Variants in DIS3L2 observed in about 807,000 individuals in gnomAD.
The protein encoded by DIS3L2 is DIS3-like exonuclease 2.
In DIS3L2, 34 loss-of-function variants were observed where a neutral mutation model predicts 97.5. That is an observed-to-expected ratio of 0.35 (90% CI 0.27 to 0.46). The LOEUF is 0.46. DIS3L2 is among the 20% of genes least tolerant of loss of function. DIS3L2 has a pLI of 1.00. For synonymous variants in DIS3L2, 435 were observed against 445.2 expected (o/e 0.98, Z 0.29); for missense variants, 1,038 against 1,146.0 (o/e 0.91, Z 1.36).
Position 232,176,056 on chromosome 2 carries a change from G to T in DIS3L2, c.1124+12424G>T, listed in dbSNP as rs185796771. 1.6e-3 allele frequency among the ~76,000 whole-genome samples: 241 copies of T among 152,032 alleles called. 1 individual carries two copies. The highest frequency in any genetic ancestry group is 5.3e-3 in the African/African-American group (221 of 41,500). Reference sequence around the variant, plus strand: ...AGGTGCCCACCACCACATCTGGCTAGTTTTTTATATTCTTCATAGAGACAG... The same window carrying T: ...AGGTGCCCACCACCACATCTGGCTATTTTTTTATATTCTTCATAGAGACAG... On this transcript the variant is annotated intron_variant, in intron 9 of 20. Coordinates refer to ENST00000325385, the MANE Select transcript of DIS3L2 (RefSeq NM_152383.5).
At chr2:232,055,302 G>T (rs1559579496) in intron 5 of DIS3L2, among the ~76,000 whole-genome samples, 4 of 152,168 alleles carry the variant, frequency 2.6e-5, no homozygotes, top group Admixed American at 2.6e-4. Flanking sequence ...ATCATTTTCA[G>T]ACTAGTTGAT....
intron 5 of DIS3L2, among the ~76,000 whole-genome samples, chr2:232,045,482 A>G (rs774392420): frequency 7.2e-5 from 11 of 152,114 alleles, no homozygotes; most frequent in Non-Finnish European, 1.3e-4. Flanking sequence ...GTCAAAGATC[A>G]AGGCACTGGC....
At chr2:232,049,710 T>C (rs551558333) in intron 5 of DIS3L2, among the ~76,000 whole-genome samples, 1 of 152,244 alleles carries the variant, frequency 6.6e-6, no homozygotes, top group African/African-American at 2.4e-5. Flanking sequence ...CTTTAACTTT[T>C]ACTTTTTGGT....
At chr2:232,220,160 T>C (rs928057839) in intron 10 of DIS3L2, among the ~76,000 whole-genome samples, 5 of 135,514 alleles carry the variant, frequency 3.7e-5, no homozygotes, top group Middle Eastern at 3.9e-3. Flanking sequence ...AATAAATAAA[T>C]AAGCTGGGCA....
At chr2:231,967,288 A>G (rs1692750090) in intron 1 of DIS3L2, among the ~76,000 whole-genome samples, 2 of 152,218 alleles carry the variant, frequency 1.3e-5, no homozygotes, top group South Asian at 4.1e-4. Context: ...ATTCTGCATT[A>G]TAAGTTCCTT....
At chr2:232,038,062 C>A (rs573345427) in intron 5 of DIS3L2, among the ~76,000 whole-genome samples, 1 of 152,302 alleles carries the variant, frequency 6.6e-6, no homozygotes, top group South Asian at 2.1e-4. Context: ...CAGCTTCATC[C>A]CCAGTTGCTG....
chr2:232,217,249 A>G (rs1361431841), intron 10 of DIS3L2, among the ~76,000 whole-genome samples: 2 of 152,156 alleles, frequency 1.3e-5, no homozygotes, highest in African/African-American at 2.4e-5. Context: ...AGAAAGCCGA[A>G]TGCTGCTGAG....
At chr2:232,337,239 G>T, downstream of DIS3L2, 1 of 924,734 alleles carries the variant, frequency 1.1e-6, no homozygotes. Flanking sequence ...TGTGTCTGAC[G>T]AATGTGACTG....
rs1043680738 is a variant in DIS3L2 at position 232,130,857 on chromosome 2, A to AT, written c.702+140dup. 10 of 1,258,202 alleles carry AT rather than the reference A, an allele frequency of 7.9e-6. No individual in the cohort carries two copies. In the East Asian group the frequency reaches 1.1e-4, roughly 14 times the overall value. The allele number at this position is 1,258,202 out of a possible 1,614,324, so 77.9% of individuals were successfully genotyped here. On this transcript the variant is annotated intron_variant, in intron 7 of 20. Transcript: ENST00000325385. ...TAGAGCAGAGAATCATAAAAAGTGA[A>AT]TTAAAAAAAAAAAACTTTAAACATA...
chr2:232,053,847 G>A (rs1240947082), intron 5 of DIS3L2, among the ~76,000 whole-genome samples: 1 of 152,058 alleles, frequency 6.6e-6, no homozygotes, highest in Non-Finnish European at 1.5e-5. Context: ...GGTTTTTATG[G>A]AGGCCACATT....
intron 14 of DIS3L2, chr2:232,307,552 C>T (rs1232353679): frequency 6.6e-6 from 1 of 152,060 alleles, no homozygotes; most frequent in Non-Finnish European, 1.5e-5. Context: ...ACAGTGATAG[C>T]TATGAAGAGC....
intron 8 of DIS3L2, among the ~76,000 whole-genome samples, chr2:232,139,633 A>C (rs973661170): frequency 6.6e-6 from 1 of 152,158 alleles, no homozygotes; most frequent in African/African-American, 2.4e-5. Context: ...AGAATGTTCT[A>C]AGTTCTTCCA....
intron 1 of DIS3L2, among the ~76,000 whole-genome samples, chr2:231,986,389 C>A (rs931180606): frequency 2.0e-5 from 3 of 152,200 alleles, no homozygotes; most frequent in Admixed American, 1.3e-4. Flanking sequence ...TTTAACATAA[C>A]TTTTGATATA....
At chr2:232,343,450 C>T (rs538956923) in exon 14 of DIS3L2, 124 of 1,555,700 alleles carry the variant, frequency 8.0e-5, no homozygotes, top group Non-Finnish European at 1.0e-4. Context: ...GCCTGAGACT[C>T]GGGGCATATG....
chr2:232,155,487 T>G (rs546906565), intron 8 of DIS3L2, among the ~76,000 whole-genome samples: 1 of 152,326 alleles, frequency 6.6e-6, no homozygotes, highest in South Asian at 2.1e-4. Context: ...TATTTAGAAA[T>G]CTTTATCTTT....
chr2:232,305,252 A>G (rs1206954120), intron 14 of DIS3L2, among the ~76,000 whole-genome samples: 1 of 151,760 alleles, frequency 6.6e-6, no homozygotes, highest in Admixed American at 6.6e-5. Flanking sequence ...ATTTTTTTGT[A>G]TTTTTAGTAG....
chr2:231,963,642 G>A (rs369761948), intron 1 of DIS3L2, among the ~76,000 whole-genome samples: 1 of 152,006 alleles, frequency 6.6e-6, no homozygotes, highest in South Asian at 2.1e-4. Flanking sequence ...TTGCTTATGG[G>A]GACTTAGCCA....
At chr2:232,321,079 C>T (rs1261045462) in intron 14 of DIS3L2, among the ~76,000 whole-genome samples, 1 of 152,178 alleles carries the variant, frequency 6.6e-6, no homozygotes, top group Non-Finnish European at 1.5e-5. Context: ...AGTCTGGGTG[C>T]CTGTCACCCA....
At chr2:232,336,302 T>C in intron 20 of DIS3L2, 167 bp from the exon 21 acceptor site, 1 of 1,547,020 alleles carries the variant, frequency 6.5e-7, no homozygotes, top group Non-Finnish European at 8.7e-7. Flanking sequence ...AACTCTGCCC[T>C]GACCCAGGGC....
Sources: allele counts gnomAD v4.1 joint callset (sites outside exome capture counted in the v4.1 genomes callset), GRCh38; gene constraint gnomAD v4.1.1; transcripts MANE v1.5; gene names NCBI Gene and HGNC (gene_info 2026-07-23, HGNC 2026-07-21).